The following TRPM6 variants were observed in gnomAD, a reference collection of about 807,000 sequenced individuals.
TRPM6 encodes channel kinase 2.
In TRPM6, 111 loss-of-function variants were observed where a neutral mutation model predicts 247.6. The observed-to-expected ratio is 0.45, with a 90% CI of 0.38 to 0.52. The LOEUF (loss-of-function observed/expected upper bound fraction) is 0.52. Ranked by LOEUF, TRPM6 falls within the 20% of genes least tolerant of loss-of-function variation. The probability of loss-of-function intolerance (pLI) is 0.00; values close to 1 mark genes in which losing one functional copy is unlikely to be tolerated. For synonymous variants in TRPM6, 892 were observed against 853.8 expected, an observed-to-expected ratio of 1.04 and a Z score of -0.78; for missense variants, 2,126 against 2,421.5, an observed-to-expected ratio of 0.88 and a Z score of 2.56.
In TRPM6 at chr9:74,826,736, CTTTTTTT is replaced by C. The variant is rs561369498; in HGVS notation, c.841+1035_841+1041del. On this transcript the variant is annotated intron_variant, in intron 7 of 38. Transcript: ENST00000360774. ...TCCCTATTTCTTTTTCTTTTTCTTT[CTTTTTTT>C]TTTTTTTTTTTTTGAGACAGAGTCT... 2.1e-4 allele frequency: 11 copies of C among 52,116 alleles called. No homozygotes were observed. In the East Asian group the frequency reaches 0.013, roughly 61 times the overall value. 3.2% of individuals were successfully genotyped at this position (52,116 alleles called of 1,614,324 possible).
intron 38 of TRPM6, among the ~76,000 whole-genome samples, chr9:74,724,955 T>C (rs1270617797): frequency 6.6e-6 from 1 of 152,168 alleles, no homozygotes; most frequent in African/African-American, 2.4e-5. Context: ...GCTGTTTGGG[T>C]GCTGTTTATG....
chr9:74,815,843 A>G (rs1350646523), intron 11 of TRPM6, among the ~76,000 whole-genome samples: 2 of 152,240 alleles, frequency 1.3e-5, no homozygotes, highest in Non-Finnish European at 2.9e-5. Context: ...AACAATGTGC[A>G]TGTATTAGCT....
intron 1 of TRPM6, among the ~76,000 whole-genome samples, chr9:74,884,490 A>G (rs1401858321): frequency 7.3e-6 from 1 of 136,518 alleles, no homozygotes; most frequent in Non-Finnish European, 1.6e-5. Context: ...CTCTGTCTCA[A>G]AAATAAATAC....
chr9:74,781,536 C>CAAAAAAAAAAAAAAAAAAA (rs35938872), intron 23 of TRPM6, among the ~76,000 whole-genome samples: 1 of 93,548 alleles, frequency 1.1e-5, no homozygotes, highest in Non-Finnish European at 2.0e-5. Flanking sequence ...GACTCTATCT[C>CAAAAAAAAAAAAAAAAAAA]AAAAAAAAAA....
Position 74,752,318 on chromosome 9 carries a change from A to G in TRPM6, c.4957T>C (p.Cys1653Arg). The G allele has an allele frequency of 6.2e-7, 1 of 1,601,914 alleles. No homozygotes were observed. The highest frequency in any genetic ancestry group is 8.5e-7 in the Non-Finnish European group (1 of 1,171,668). The change falls in exon 29 of 39, where the codon TGT (cysteine) becomes CGT (arginine). Residue 1653 changes from cysteine (C) to arginine (R), a missense_variant. Coordinates refer to ENST00000360774, the MANE Select transcript of TRPM6 (RefSeq NM_017662.5). ...AGGTAATCACTGATTTGTATAGCAC[A>G]TTGTCCAATTTCTTTAGTTTTCATT... ...QKMKTKEIGQ[C>R]AIQISDYLKQ...
intron 38 of TRPM6, among the ~76,000 whole-genome samples, chr9:74,727,231 A>G (rs951574851): frequency 6.6e-6 from 1 of 151,894 alleles, no homozygotes; most frequent in Non-Finnish European, 1.5e-5. Context: ...AAATACAAAA[A>G]ATTAGCTGGG....
At chr9:74,733,313 G>A (rs1396020311) in intron 36 of TRPM6, among the ~76,000 whole-genome samples, 4 of 152,002 alleles carry the variant, frequency 2.6e-5, no homozygotes, top group Non-Finnish European at 5.9e-5. Context: ...AAAAATTCAT[G>A]TAAATTAAAT....
At chr9:74,736,395 T>C (rs1295076531) in intron 36 of TRPM6, among the ~76,000 whole-genome samples, 1 of 151,662 alleles carries the variant, frequency 6.6e-6, no homozygotes, top group Non-Finnish European at 1.5e-5. Context: ...AGACTAGAAA[T>C]ACAAATAAAT....
intron 11 of TRPM6, among the ~76,000 whole-genome samples, chr9:74,815,744 A>G (rs1195608908): frequency 1.3e-5 from 2 of 152,244 alleles, no homozygotes; most frequent in African/African-American, 4.8e-5. Context: ...TAGAAAAATC[A>G]AAAACATCTT....
chr9:74,876,903 C>G (rs1379886366), intron 1 of TRPM6, among the ~76,000 whole-genome samples: 1 of 152,170 alleles, frequency 6.6e-6, no homozygotes, highest in East Asian at 1.9e-4. Flanking sequence ...GGAAGAAAAT[C>G]TGAAGCACTG....
chr9:74,786,081 T>A lies in TRPM6; in HGVS notation c.2712A>T (p.Val904=). The change falls in exon 21 of 39, where the codon GTA becomes GTT. Residue 904 remains valine, a synonymous_variant. Transcript: ENST00000360774. ...EPGKFTQKVK[V]WISEYWNLTE... ...TTAAGTTCCAGTACTCACTAATCCA[T>A]ACCTTCACCTTTTGGGTAAACTTCC... The A allele has an allele frequency of 6.2e-7, 1 of 1,614,174 alleles. No individual in the cohort carries two copies. The highest frequency in any genetic ancestry group is 8.5e-7 in the Non-Finnish European group (1 of 1,180,026).
chr9:74,814,263 A>C (rs1828847012), intron 11 of TRPM6, among the ~76,000 whole-genome samples: 1 of 152,146 alleles, frequency 6.6e-6, no homozygotes, highest in African/African-American at 2.4e-5. Context: ...AATTGAATCC[A>C]TGGAGATGGA....
intron 5 of TRPM6, among the ~76,000 whole-genome samples, chr9:74,837,743 G>GC (rs1450503241): frequency 9.7e-5 from 8 of 82,142 alleles, no homozygotes; most frequent in Non-Finnish European, 1.3e-4. Flanking sequence ...ACCACGCCCG[G>GC]CCCCCTTTTT....
chr9:74,796,566 T>C (rs1828106787), intron 18 of TRPM6, among the ~76,000 whole-genome samples, 175 bp downstream of exon 18: 1 of 152,224 alleles, frequency 6.6e-6, no homozygotes, highest in African/African-American at 2.4e-5. Context: ...AAATGCTTGA[T>C]TGGTCAGAGG....
At chr9:74,742,687 C>A (rs1825902669) in intron 32 of TRPM6, 61 bp from the exon 33 acceptor site, 9 of 1,395,998 alleles carry the variant, frequency 6.4e-6, no homozygotes, top group Non-Finnish European at 9.1e-6. Context: ...TTACAGAAAG[C>A]CTCTCCACAT....
intron 13 of TRPM6, 118 bp from the exon 14 acceptor site, chr9:74,808,292 CT>C (rs1828605258): frequency 1.6e-6 from 2 of 1,247,020 alleles, no homozygotes; most frequent in African/African-American, 3.0e-5. Flanking sequence ...TTTTAAATAT[CT>C]TTACAAACTG....
intron 2 of TRPM6, among the ~76,000 whole-genome samples, chr9:74,856,708 C>A (rs1402870275): frequency 6.6e-6 from 1 of 151,998 alleles, no homozygotes; most frequent in Non-Finnish European, 1.5e-5. Flanking sequence ...AGATTTGTTT[C>A]TTATTGGGAG....
chr9:74,726,278 G>A (rs2118664837), intron 38 of TRPM6, among the ~76,000 whole-genome samples: 1 of 152,294 alleles, frequency 6.6e-6, no homozygotes, highest in South Asian at 2.1e-4. Context: ...GGGAGACCAA[G>A]GCAGGTGGAT....
chr9:74,785,885 T>C lies in TRPM6; in HGVS notation c.2908A>G (p.Ile970Val). The C allele has an allele frequency of 6.2e-7, 1 of 1,614,186 alleles. No individual in the cohort carries two copies. The highest frequency in any genetic ancestry group is 8.5e-7 in the Non-Finnish European group (1 of 1,180,038). The change falls in exon 21 of 39, where the codon ATT becomes GTT. Residue 970 changes from isoleucine to valine, a missense_variant. By Grantham distance (29) the Ile-to-Val change is conservative. Transcript: ENST00000360774. Reference sequence around the variant, plus strand: ...TAGACTGTACTCACCATTTTTGCAATCATGGTCACATATGGACCTGCATGT... The same window carrying C: ...TAGACTGTACTCACCATTTTTGCAACCATGGTCACATATGGACCTGCATGT... ...NQHAGPYVTMIAKMTANMFYI... is the reference protein window; with the variant it reads ...NQHAGPYVTMVAKMTANMFYI...
Sources: gnomAD v4.1 joint callset for allele counts (sites outside exome capture counted in the v4.1 genomes callset) on GRCh38, gnomAD v4.1.1 for gene constraint, MANE v1.5 for transcripts, NCBI Gene and HGNC (gene_info 2026-07-23, HGNC 2026-07-21) for gene names.